Variants in ZCCHC24 observed in about 807,000 individuals in gnomAD.
ZCCHC24 encodes zinc finger CCHC domain-containing protein 24.
A neutral mutation model predicts 26.2 loss-of-function variants in ZCCHC24; 10 were observed. The observed-to-expected ratio is 0.38, with a 90% CI of 0.24 to 0.65. ZCCHC24 has a LOEUF of 0.65. ZCCHC24 is among the 30% of genes least tolerant of loss of function. The pLI, the probability that ZCCHC24 is intolerant of heterozygous loss-of-function variation, is 0.54. For missense variants in ZCCHC24, 243 were observed against 329.1 expected (o/e 0.74, Z 2.03); for synonymous variants, 144 against 147.1 (o/e 0.98, Z 0.15).
At chr10:79,402,800 C>T (rs1044455809) in intron 2 of ZCCHC24, among the ~76,000 whole-genome samples, 26 of 152,308 alleles carry the variant, frequency 1.7e-4, no homozygotes, top group Admixed American at 4.6e-4. Context: ...GACTCCAAAA[C>T]GACACTTTCC....
chr10:79,413,310 T>G (rs543805514), intron 2 of ZCCHC24, among the ~76,000 whole-genome samples: 1 of 152,076 alleles, frequency 6.6e-6, no homozygotes, highest in African/African-American at 2.4e-5. Flanking sequence ...AGTGAGTGAG[T>G]GGCGGGACCC....
chr10:79,437,900 G>A (rs1857236568), intron 1 of ZCCHC24, among the ~76,000 whole-genome samples: 1 of 152,180 alleles, frequency 6.6e-6, no homozygotes, highest in African/African-American at 2.4e-5. Flanking sequence ...AGGGCAGGAG[G>A]GTAGAAGCTG....
intron 1 of ZCCHC24, 38 bp downstream of exon 1, chr10:79,445,157 C>A (rs1317343353): frequency 2.5e-5 from 17 of 669,658 alleles, no homozygotes; most frequent in Non-Finnish European, 2.8e-5. Context: ...GGCGGTGGGG[C>A]GGTGGGGCGG....
At chr10:79,422,917 C>T (rs933474967) in intron 2 of ZCCHC24, among the ~76,000 whole-genome samples, 7 of 152,342 alleles carry the variant, frequency 4.6e-5, no homozygotes, top group Admixed American at 4.6e-4. Context: ...GGGTGGCTGT[C>T]AGGCTGGGCA....
intron 2 of ZCCHC24, among the ~76,000 whole-genome samples, chr10:79,429,412 T>A (rs1219178642): frequency 1.3e-5 from 2 of 152,034 alleles, no homozygotes; most frequent in South Asian, 2.1e-4. Flanking sequence ...TGAAACCCCA[T>A]CTGTATTAAA....
intron 1 of ZCCHC24, among the ~76,000 whole-genome samples, chr10:79,440,231 G>C (rs554861702): frequency 6.6e-6 from 1 of 152,172 alleles, no homozygotes; most frequent in Non-Finnish European, 1.5e-5. Flanking sequence ...TCCCCATCCA[G>C]ACAATGCGGA....
rs925166692 is a variant in ZCCHC24, at chr10:79,383,725, G to C, written c.*2620C>G. Reference sequence around the variant, plus strand: ...GAAAAGCTACCAAATTCAGTGTTGTGAGAAAAACTGGTAACCATGCAGAAA... The same window carrying C: ...GAAAAGCTACCAAATTCAGTGTTGTCAGAAAAACTGGTAACCATGCAGAAA... On this transcript the variant is annotated 3_prime_UTR_variant, in exon 4 of 4. Coordinates refer to ENST00000372336, the MANE Select transcript of ZCCHC24 (RefSeq NM_153367.4). 2 of 151,568 alleles carry C rather than the reference G, an allele frequency of 1.3e-5. No homozygotes were observed. The highest frequency in any genetic ancestry group is 4.9e-5 in the African/African-American group (2 of 41,014). 9.4% of individuals were successfully genotyped at this position (151,568 alleles called of 1,614,324 possible).
rs139390815 is a variant in ZCCHC24, at chr10:79,390,335, G to A, written c.613-3877C>T. Among the ~76,000 whole-genome samples the A allele has an allele frequency of 7.6e-3, 1,155 of 152,352 alleles. 7 individuals carry two copies. Among genetic ancestry groups the A allele is most frequent in the African/African-American group, 0.026 (1,092 of 41,568 alleles). ...TAACTCTACATGATAGGGTTGCTGT[G>A]AAGAGTAAATTAGTCTATGCAAAGG... On this transcript the variant is annotated intron_variant, in intron 3 of 3. Transcript: ENST00000372336.
At chr10:79,434,283 C>G (rs1212935234) in intron 1 of ZCCHC24, among the ~76,000 whole-genome samples, 1 of 152,160 alleles carries the variant, frequency 6.6e-6, no homozygotes, top group African/African-American at 2.4e-5. Flanking sequence ...CTGCCTGGCC[C>G]GACCACCAAA....
chr10:79,386,320 G>A lies in ZCCHC24; in HGVS notation c.*25C>T, dbSNP rs375394377. Reference sequence around the variant, plus strand: ...CGTCTCCTCGGGCTGGCGGGGGGTGGCTCTGGGTGCGGGCGGGCAGCCCGT... The same window carrying A: ...CGTCTCCTCGGGCTGGCGGGGGGTGACTCTGGGTGCGGGCGGGCAGCCCGT... On this transcript the variant is annotated 3_prime_UTR_variant, in exon 4 of 4. Transcript: ENST00000372336. 15 of 1,604,510 alleles carry A rather than the reference G, an allele frequency of 9.3e-6. No homozygotes were observed. The African/African-American group carries it at 1.7e-4, about 19-fold the overall frequency.
chr10:79,430,683 A>AC (rs199642366), intron 2 of ZCCHC24, among the ~76,000 whole-genome samples: 22,760 of 129,954 alleles, frequency 0.18, 2,210 homozygotes, highest in African/African-American at 0.28. Context: ...TCACACACAC[A>AC]CACCACACAC....
At chr10:79,407,504 G>C (rs1156318225) in intron 2 of ZCCHC24, among the ~76,000 whole-genome samples, 8 of 152,278 alleles carry the variant, frequency 5.3e-5, no homozygotes, top group South Asian at 2.1e-4. Flanking sequence ...CCTGGCCCCA[G>C]AGTCTCAGAA....
intron 2 of ZCCHC24, among the ~76,000 whole-genome samples, chr10:79,404,625 C>G (rs1856684798): frequency 6.6e-6 from 1 of 152,170 alleles, no homozygotes; most frequent in Admixed American, 6.5e-5. Flanking sequence ...TCTTGCACAT[C>G]CCTCTTTGGG....
intron 2 of ZCCHC24, among the ~76,000 whole-genome samples, chr10:79,423,404 A>C (rs1856973690): frequency 6.6e-6 from 1 of 151,178 alleles, no homozygotes; most frequent in African/African-American, 2.4e-5. Context: ...TTCAAAAATT[A>C]GCCAGGCGTA....
chr10:79,441,362 G>A (rs1191795883), intron 1 of ZCCHC24, among the ~76,000 whole-genome samples: 1 of 152,038 alleles, frequency 6.6e-6, no homozygotes, highest in African/African-American at 2.4e-5. Context: ...CATACAGAAG[G>A]GCTGGGCCCA....
intron 1 of ZCCHC24, among the ~76,000 whole-genome samples, chr10:79,442,103 G>A (rs1000218655): frequency 6.6e-6 from 1 of 152,128 alleles, no homozygotes; most frequent in Non-Finnish European, 1.5e-5. Flanking sequence ...AGAGAGAAGG[G>A]GCTCAGCCAA....
intron 2 of ZCCHC24, among the ~76,000 whole-genome samples, chr10:79,406,108 G>A (rs10733913): frequency 0.51 from 77,453 of 152,138 alleles, 21,555 homozygotes; most frequent in East Asian, 0.85. Flanking sequence ...TCTCCCCTGC[G>A]TGCTGGGGCT....
intron 2 of ZCCHC24, among the ~76,000 whole-genome samples, chr10:79,423,444 G>A (rs1421684995): frequency 2.7e-5 from 4 of 149,416 alleles, no homozygotes; most frequent in African/African-American, 4.9e-5. Flanking sequence ...CCAGCTACTC[G>A]GGAGGCTGAG....
chr10:79,445,345 G>A lies in ZCCHC24; in HGVS notation c.96C>T (p.His32=), dbSNP rs999707605. Residue 32 remains histidine, a synonymous_variant, in exon 1 of 4, where the codon CAC becomes CAT. Transcript: ENST00000372336. ...NWVYLSLQDT[H]QASAFDAFRP... is the part of the protein sequence containing the mutation. ...GGAAGGCATCGAAGGCGCTAGCCTG[G>A]TGCGTGTCCTGCAGCGACAGGTAGA... 2 of 1,536,382 alleles carry A rather than the reference G, an allele frequency of 1.3e-6. No individual in the cohort carries two copies. The highest frequency in any genetic ancestry group is 2.4e-5 in the South Asian group (2 of 82,090).
Sources: allele counts gnomAD v4.1 joint callset (sites outside exome capture counted in the v4.1 genomes callset), GRCh38; gene constraint gnomAD v4.1.1; transcripts MANE v1.5; gene names NCBI Gene and HGNC (gene_info 2026-07-23, HGNC 2026-07-21).